The following LGALSL variants were observed in gnomAD, a reference collection of about 807,000 sequenced individuals.
The protein encoded by LGALSL is galectin-related protein.
LGALSL carries 13 observed loss-of-function variants against 19.5 expected under a neutral mutation model. The ratio of observed to expected loss-of-function variants is 0.67; its 90% CI spans 0.43 to 1.06. LGALSL has a LOEUF of 1.06. LGALSL is among the 50% of genes least tolerant of loss of function. LGALSL has a pLI of 0.00. For synonymous variants in LGALSL, 86 were observed against 78.3 expected, an observed-to-expected ratio of 1.10 and a Z score of -0.52; for missense variants, 189 against 219.3, an observed-to-expected ratio of 0.86 and a Z score of 0.87.
At position 64,458,434 on chromosome 2, in the gene LGALSL, A is replaced by G; in HGVS notation, c.*6A>G. 6.2e-7 allele frequency: 1 copy of G among 1,611,720 alleles called. No homozygotes were observed. The highest frequency in any genetic ancestry group is 1.1e-5 in the South Asian group (1 of 90,698). On this transcript the variant is annotated 3_prime_UTR_variant, in exon 5 of 5. Transcript: ENST00000238875. Reference sequence around the variant, plus strand: ...AGATCACCAAGCTTGGCTGATTTAAACCACCTCTATTTCAAATAGGATCAC... The same window carrying G: ...AGATCACCAAGCTTGGCTGATTTAAGCCACCTCTATTTCAAATAGGATCAC...
Sources: gnomAD v4.1 joint callset for allele counts on GRCh38, gnomAD v4.1.1 for gene constraint, MANE v1.5 for transcripts, NCBI Gene and HGNC (gene_info 2026-07-23, HGNC 2026-07-21) for gene names.